SLC9A9: variants seen among roughly 807,000 people sequenced by gnomAD.
The protein encoded by SLC9A9 is solute carrier family 9 member A9.
Under a neutral mutation model 77.8 loss-of-function variants are expected in SLC9A9, and 62 were observed. That is an observed-to-expected ratio of 0.80 (90% CI 0.65 to 0.98). The LOEUF (loss-of-function observed/expected upper bound fraction) is 0.98, where lower values mean the gene tolerates loss of function less well. Ranked by LOEUF, SLC9A9 falls within the 50% of genes least tolerant of loss-of-function variation. SLC9A9 has a pLI of 0.00. For synonymous variants in SLC9A9, 320 were observed against 283.5 expected, an observed-to-expected ratio of 1.13 and a Z score of -1.29; for missense variants, 775 against 774.9, an observed-to-expected ratio of 1.00 and a Z score of 0.00.
intron 1 of SLC9A9, among the ~76,000 whole-genome samples, chr3:143,838,585 C>T (rs895543964): frequency 1.3e-4 from 20 of 152,282 alleles, no homozygotes; most frequent in African/African-American, 4.8e-4. Context: ...AGGAAGTTAA[C>T]ATCATATTTA....
At chr3:143,317,128 T>C (rs2031240493) in intron 14 of SLC9A9, among the ~76,000 whole-genome samples, 1 of 151,898 alleles carries the variant, frequency 6.6e-6, no homozygotes. Context: ...AAACAAATGA[T>C]CTCCCCTCAA....
chr3:143,453,807 T>C lies in SLC9A9; in HGVS notation c.1469+13230A>G, dbSNP rs546187636. On this transcript the variant is annotated intron_variant, in intron 12 of 15. Coordinates refer to ENST00000316549, the MANE Select transcript of SLC9A9 (RefSeq NM_173653.4). Reference sequence around the variant, plus strand: ...CTAGGAGAGAGAATGCTTGGTGCTATGGTTTGAATGTTTTTTGTCCCCTCC... The same window carrying C: ...CTAGGAGAGAGAATGCTTGGTGCTACGGTTTGAATGTTTTTTGTCCCCTCC... 9.6e-4 allele frequency among the ~76,000 whole-genome samples: 146 copies of C among 152,310 alleles called. 1 individual carries two copies. Among genetic ancestry groups the C allele is most frequent in the African/African-American group, 3.5e-3 (145 of 41,584 alleles).
chr3:143,832,805 T>C (rs1192387430), intron 1 of SLC9A9, among the ~76,000 whole-genome samples: 2 of 151,716 alleles, frequency 1.3e-5, no homozygotes, highest in African/African-American at 4.8e-5. Context: ...AGGACTAAGA[T>C]AGTAGCAGAA....
intron 6 of SLC9A9, among the ~76,000 whole-genome samples, chr3:143,588,738 A>G (rs796807175): frequency 3.4e-4 from 52 of 152,346 alleles, no homozygotes; most frequent in African/African-American, 1.2e-3. Flanking sequence ...CCTAAAGATA[A>G]AAGCAACTTG....
intron 8 of SLC9A9, among the ~76,000 whole-genome samples, chr3:143,556,913 C>T (rs1322868030): frequency 1.6e-4 from 24 of 152,200 alleles, no homozygotes; most frequent in Admixed American, 1.6e-3. Context: ...GCAGGCAAGA[C>T]CATGTGCCAA....
Position 143,784,534 on chromosome 3 carries a change from T to C in SLC9A9, c.533+10467A>G, listed in dbSNP as rs571117459. Among the ~76,000 whole-genome samples, 13 of 152,014 alleles carry C rather than the reference T, an allele frequency of 8.6e-5. No individual in the cohort carries two copies. The South Asian group carries it at 2.7e-3, about 32-fold the overall frequency. On this transcript the variant is annotated intron_variant, in intron 4 of 15. Transcript: ENST00000316549. ...TCTTAAAAATTTGTAATTTTTTTTT[T>C]TTTTTTGAGAATGGGGGTTTTACCA...
At chr3:143,636,663 C>G (rs73152840) in intron 6 of SLC9A9, among the ~76,000 whole-genome samples, 2,580 of 152,260 alleles carry the variant, frequency 0.017, 56 homozygotes, top group Middle Eastern at 0.024. Flanking sequence ...TATTACTCCA[C>G]TCTTTATGTC....
At chr3:143,319,748 G>A (rs2031349329) in intron 14 of SLC9A9, among the ~76,000 whole-genome samples, 2 of 152,190 alleles carry the variant, frequency 1.3e-5, no homozygotes, top group Non-Finnish European at 1.5e-5. Context: ...AGTGGGGAAG[G>A]TGACAAGCCA....
rs574594111 is a variant in SLC9A9, at chr3:143,735,922, G to A, written c.534-42615C>T. ...GGTAATTGTAACTGGGCCATTTTCAGATTTTTTTTCCAGCTTATCTGTTCT... is the reference window on the plus strand; with the variant it reads ...GGTAATTGTAACTGGGCCATTTTCAAATTTTTTTTCCAGCTTATCTGTTCT... On this transcript the variant is annotated intron_variant, in intron 4 of 15. Transcript: ENST00000316549. 7.9e-5 allele frequency among the ~76,000 whole-genome samples: 12 copies of A among 152,248 alleles called. No homozygotes were observed. In the South Asian group the frequency reaches 2.5e-3, roughly 32 times the overall value.
At chr3:143,827,185 T>C (rs1050695440) in intron 2 of SLC9A9, among the ~76,000 whole-genome samples, 1 of 152,258 alleles carries the variant, frequency 6.6e-6, no homozygotes, top group Non-Finnish European at 1.5e-5. Flanking sequence ...ATAACAAACT[T>C]ATGTTTGCAA....
At position 143,325,088 on chromosome 3, in the gene SLC9A9, A is replaced by C. The variant is rs1461090378; in HGVS notation, c.1604+38396T>G. The stretch of plus-strand genomic sequence containing the variant: ...CTTCTTATTAACCAGAAAAAAAAAA[A>C]AAAAAAACCTTCCACACTTTTCCTT... On this transcript the variant is annotated intron_variant, in intron 14 of 15. Transcript: ENST00000316549. Among the ~76,000 whole-genome samples the C allele has an allele frequency of 5.3e-5, 8 of 151,992 alleles. No individual in the cohort carries two copies. The East Asian group carries it at 1.4e-3, about 26-fold the overall frequency.
At chr3:143,639,061 A>G (rs2038577522) in intron 6 of SLC9A9, among the ~76,000 whole-genome samples, 1 of 152,230 alleles carries the variant, frequency 6.6e-6, no homozygotes, top group East Asian at 1.9e-4. Context: ...GTTCAGAATG[A>G]GAAGTCAGGT....
chr3:143,266,176 T>C lies in SLC9A9; in HGVS notation c.*526A>G. On this transcript the variant is annotated 3_prime_UTR_variant, in exon 16 of 16. Coordinates refer to ENST00000316549, the MANE Select transcript of SLC9A9 (RefSeq NM_173653.4). ...ATCAGCAGTGGGTACGGAACACTTCTCTGGGCTCTGCCCTGGGGTCACTGA... is the reference window on the plus strand; with the variant it reads ...ATCAGCAGTGGGTACGGAACACTTCCCTGGGCTCTGCCCTGGGGTCACTGA... The C allele has an allele frequency of 1.4e-6, 1 of 698,630 alleles. No homozygotes were observed. The highest frequency in any genetic ancestry group is 2.6e-6 in the Non-Finnish European group (1 of 383,224). 43.3% of individuals were successfully genotyped at this position (698,630 alleles called of 1,614,324 possible). A position where few individuals can be genotyped will look rare whatever the true frequency, so the allele number is the denominator to read the frequency against.
chr3:143,561,759 A>G (rs2037089322), intron 8 of SLC9A9, among the ~76,000 whole-genome samples: 3 of 152,246 alleles, frequency 2.0e-5, no homozygotes. Context: ...TTAAGTAAAC[A>G]TAAGGTTTTG....
At chr3:143,530,155 G>T (rs1195787103) in intron 9 of SLC9A9, among the ~76,000 whole-genome samples, 1 of 152,214 alleles carries the variant, frequency 6.6e-6, no homozygotes, top group Admixed American at 6.5e-5. Context: ...ATAAGCAAAT[G>T]AATTATCATG....
intron 14 of SLC9A9, among the ~76,000 whole-genome samples, chr3:143,331,368 G>A (rs1276845742): frequency 1.3e-5 from 2 of 152,170 alleles, no homozygotes; most frequent in Non-Finnish European, 2.9e-5. Flanking sequence ...AAAGTATCCT[G>A]TGTAATATTA....
intron 12 of SLC9A9, among the ~76,000 whole-genome samples, chr3:143,396,610 T>G (rs1426310891): frequency 6.6e-6 from 1 of 152,080 alleles, no homozygotes; most frequent in Admixed American, 6.6e-5. Flanking sequence ...AAAATTCATG[T>G]AAGGGGCTTG....
chr3:143,506,436 C>T (rs1423050629), intron 9 of SLC9A9, among the ~76,000 whole-genome samples: 1 of 152,158 alleles, frequency 6.6e-6, no homozygotes, highest in Non-Finnish European at 1.5e-5. Flanking sequence ...TCAACCACTT[C>T]TCCTATTTCT....
chr3:143,617,391 C>G (rs2038124197), intron 6 of SLC9A9, among the ~76,000 whole-genome samples: 1 of 152,222 alleles, frequency 6.6e-6, no homozygotes, highest in Non-Finnish European at 1.5e-5. Flanking sequence ...TATTTACCAT[C>G]TAGCCATTTA....
Sources: gnomAD v4.1 joint callset for allele counts (sites outside exome capture counted in the v4.1 genomes callset) on GRCh38, gnomAD v4.1.1 for gene constraint, MANE v1.5 for transcripts, NCBI Gene and HGNC (gene_info 2026-07-23, HGNC 2026-07-21) for gene names.